C16orf74: variants seen among roughly 807,000 people sequenced by gnomAD.
C16orf74 encodes the protein calcimembrin, also known as uncharacterized protein C16orf74.
In C16orf74, 10 loss-of-function variants were observed where a neutral mutation model predicts 6.5. That is an observed-to-expected ratio of 1.54 (90% CI 0.95 to 2.61). The LOEUF (loss-of-function observed/expected upper bound fraction) is 2.61. Among genes scored for constraint, C16orf74 ranks in the 30% most tolerant of loss-of-function variants. C16orf74 has a pLI of 0.00. For synonymous variants in C16orf74, 60 were observed against 42.5 expected (o/e 1.41, Z -1.60); for missense variants, 141 against 105.9 (o/e 1.33, Z -1.45).
chr16:85,729,498 G>T (rs1357781835), intron 2 of C16orf74, among the ~76,000 whole-genome samples: 2 of 152,316 alleles, frequency 1.3e-5, no homozygotes, highest in Admixed American at 1.3e-4. Context: ...GACAGGAGAA[G>T]CACATTCCTG....
At chr16:85,725,112 C>A (rs549499262) in intron 2 of C16orf74, among the ~76,000 whole-genome samples, 1 of 152,180 alleles carries the variant, frequency 6.6e-6, no homozygotes, top group African/African-American at 2.4e-5. Context: ...GAGGGGTGCC[C>A]GCTCTGCCCT....
At chr16:85,721,571 C>A (rs1034142373) in intron 2 of C16orf74, among the ~76,000 whole-genome samples, 5 of 152,292 alleles carry the variant, frequency 3.3e-5, no homozygotes, top group Admixed American at 2.0e-4. Flanking sequence ...TATTCCTTAT[C>A]TGAAATTCAT....
At chr16:85,729,761 C>T (rs2054169125) in intron 2 of C16orf74, among the ~76,000 whole-genome samples, 1 of 152,078 alleles carries the variant, frequency 6.6e-6, no homozygotes, top group Admixed American at 6.5e-5. Context: ...GAGAGGAAGG[C>T]CACGTGAAGA....
chr16:85,731,741 G>A (rs140921461), intron 2 of C16orf74, among the ~76,000 whole-genome samples: 1,613 of 151,946 alleles, frequency 0.011, 15 homozygotes, highest in Non-Finnish European at 0.015. Flanking sequence ...AGGCTGGAGT[G>A]CAGTGGTGTG....
chr16:85,748,008 C>G (rs1156349115), intron 1 of C16orf74, among the ~76,000 whole-genome samples: 1 of 151,746 alleles, frequency 6.6e-6, no homozygotes, highest in African/African-American at 2.4e-5. Context: ...ATTGCTTGAA[C>G]CTAGGAGGTA....
At chr16:85,725,715 C>T (rs2054126034) in intron 2 of C16orf74, among the ~76,000 whole-genome samples, 1 of 152,178 alleles carries the variant, frequency 6.6e-6, no homozygotes, top group Non-Finnish European at 1.5e-5. Flanking sequence ...GCAATCCTCA[C>T]ACCTCAGCCT....
At chr16:85,723,133 G>A (rs1172118071) in intron 2 of C16orf74, among the ~76,000 whole-genome samples, 2 of 152,024 alleles carry the variant, frequency 1.3e-5, no homozygotes, top group Non-Finnish European at 2.9e-5. Context: ...GGTGGTGCAT[G>A]CCTGTAATCC....
chr16:85,720,882 G>A (rs2054075642), intron 2 of C16orf74, among the ~76,000 whole-genome samples: 2 of 151,686 alleles, frequency 1.3e-5, no homozygotes, highest in Non-Finnish European at 2.9e-5. Flanking sequence ...GAGGGCAGGA[G>A]TTCGATACCA....
rs531971656 is a variant in C16orf74 at position 85,717,883 on chromosome 16, C to G, written c.29-7576G>C. On this transcript the variant is annotated intron_variant, in intron 2 of 3. Transcript: ENST00000284245. ...TCCGCAGCCCTGATCCTTCAAAAGC[C>G]CTGAGCCAGGCAAGCCCGTGCCCGA... Among the ~76,000 whole-genome samples the G allele has an allele frequency of 7.9e-5, 12 of 152,322 alleles. No homozygotes were observed. The East Asian group carries it at 2.3e-3, about 29-fold the overall frequency.
At chr16:85,749,347 G>A (rs1328306205) in intron 1 of C16orf74, among the ~76,000 whole-genome samples, 3 of 151,822 alleles carry the variant, frequency 2.0e-5, no homozygotes, top group Admixed American at 2.0e-4. Flanking sequence ...ATGCAGTGGC[G>A]TGATCATAGC....
chr16:85,709,197 T>C (rs978040473), intron 3 of C16orf74, among the ~76,000 whole-genome samples: 2 of 152,028 alleles, frequency 1.3e-5, no homozygotes, highest in Non-Finnish European at 2.9e-5. Flanking sequence ...TCTACTAAAA[T>C]ACAAAAATTA....
chr16:85,709,647 G>C (rs2053947746), intron 3 of C16orf74, among the ~76,000 whole-genome samples: 1 of 152,312 alleles, frequency 6.6e-6, no homozygotes, highest in East Asian at 1.9e-4. Context: ...AGGTAGGGCT[G>C]CCGATTTGGG....
In C16orf74 at chr16:85,737,547, C is replaced by T. The variant is rs138418861; in HGVS notation, c.-18-2312G>A. Reference sequence around the variant, plus strand: ...ACCCTGTCTCTATAAAACAAGCTTACGCCTGGGCGCGGTGGCTCACGTCTG... The same window carrying T: ...ACCCTGTCTCTATAAAACAAGCTTATGCCTGGGCGCGGTGGCTCACGTCTG... On this transcript the variant is annotated intron_variant, in intron 1 of 3. Transcript: ENST00000284245. 5.0e-3 allele frequency among the ~76,000 whole-genome samples: 768 copies of T among 152,278 alleles called. 11 individuals are homozygous for T. The highest frequency in any genetic ancestry group is 4.7e-3 in the Non-Finnish European group (320 of 68,018).
chr16:85,722,758 C>T (rs1217637758), intron 2 of C16orf74, among the ~76,000 whole-genome samples: 1 of 152,252 alleles, frequency 6.6e-6, no homozygotes, highest in Non-Finnish European at 1.5e-5. Context: ...CGGCCCAGGG[C>T]CCCAGGAGCT....
chr16:85,714,446 G>A (rs2054001210), intron 2 of C16orf74, among the ~76,000 whole-genome samples: 1 of 150,648 alleles, frequency 6.6e-6, no homozygotes, highest in African/African-American at 2.4e-5. Flanking sequence ...TTGAGACGGA[G>A]TCTTGCTCTG....
intron 2 of C16orf74, among the ~76,000 whole-genome samples, chr16:85,715,457 T>A (rs1304868753): frequency 6.6e-6 from 1 of 152,114 alleles, no homozygotes; most frequent in East Asian, 1.9e-4. Context: ...CCAGGATCCA[T>A]CCCCAGACTG....
At chr16:85,747,397 A>T (rs764382855) in intron 1 of C16orf74, among the ~76,000 whole-genome samples, 11 of 152,078 alleles carry the variant, frequency 7.2e-5, no homozygotes, top group Admixed American at 1.3e-4. Context: ...GGCTGCAGTG[A>T]GCCATGATCA....
chr16:85,742,255 C>T (rs1404606912), intron 1 of C16orf74, among the ~76,000 whole-genome samples: 2 of 152,160 alleles, frequency 1.3e-5, no homozygotes, highest in African/African-American at 2.4e-5. Context: ...TGCCTGTAAT[C>T]CCAGTTACTC....
intron 2 of C16orf74, among the ~76,000 whole-genome samples, chr16:85,730,323 T>C (rs1245115981): frequency 1.3e-5 from 2 of 152,176 alleles, no homozygotes; most frequent in Non-Finnish European, 2.9e-5. Flanking sequence ...TTGGTGTGAC[T>C]GTAGCTGGTC....
Sources: gnomAD v4.1 joint callset for allele counts (sites outside exome capture counted in the v4.1 genomes callset) on GRCh38, gnomAD v4.1.1 for gene constraint, MANE v1.5 for transcripts, NCBI Gene and HGNC (gene_info 2026-07-23, HGNC 2026-07-21) for gene names.